Variants in KANK4 observed in about 807,000 individuals in gnomAD.
KANK4 encodes the protein KN motif and ankyrin repeat domain-containing protein 4.
Under a neutral mutation model 80.8 loss-of-function variants are expected in KANK4, and 50 were observed. That is an observed-to-expected ratio of 0.62 (90% confidence interval 0.49 to 0.78). The LOEUF (loss-of-function observed/expected upper bound fraction) is 0.78, where lower values mean the gene tolerates loss of function less well. Ranked by LOEUF, KANK4 falls within the 30% of genes least tolerant of loss-of-function variation. The probability of loss-of-function intolerance (pLI) is 0.00; values close to 1 mark genes in which losing one functional copy is unlikely to be tolerated. For synonymous variants in KANK4, 465 were observed against 506.9 expected, an observed-to-expected ratio of 0.92 and a Z score of 1.11; for missense variants, 1,196 against 1,240.1, an observed-to-expected ratio of 0.96 and a Z score of 0.53.
chr1:62,274,842 G>C lies in KANK4; in HGVS notation c.262C>G (p.Leu88Val), dbSNP rs752915480. The C allele has an allele frequency of 6.2e-7, 1 of 1,614,148 alleles. No homozygotes were observed. The highest frequency in any genetic ancestry group is 1.7e-5 in the Admixed American group (1 of 60,034). Reference protein sequence around the residue: ...SGARPPAAPPLQNWSPVVPRE... With the variant: ...SGARPPAAPPVQNWSPVVPRE... ...GGCACCACGGGAGACCAGTTTTGGAGGGGCGGGGCTGCAGGGGGGCGAGCC... is the reference window on the plus strand; with the variant it reads ...GGCACCACGGGAGACCAGTTTTGGACGGGCGGGGCTGCAGGGGGGCGAGCC... The change falls in exon 3 of 10, where the codon CTC (leucine) becomes GTC (valine). Residue 88 changes from leucine (L) to valine (V), a missense_variant. Around this residue, in one of 3 missense-constraint regions of KANK4, gnomAD observed 1,154 missense variants for 1,179.6 expected, o/e 0.98. Coordinates refer to ENST00000371153, the MANE Select transcript of KANK4 (RefSeq NM_181712.5).
intron 1 of KANK4, among the ~76,000 whole-genome samples, chr1:62,297,220 G>A (rs1028455730): frequency 2.0e-5 from 3 of 152,082 alleles, no homozygotes; most frequent in Admixed American, 6.6e-5. Flanking sequence ...GTGACAGAGT[G>A]AGACTCCGTC....
At position 62,273,426 on chromosome 1, in the gene KANK4, T is replaced by A. The variant is rs773691214; in HGVS notation, c.1678A>T (p.Ile560Phe). The A allele has an allele frequency of 6.2e-7, 1 of 1,613,488 alleles. No individual in the cohort carries two copies. The highest frequency in any genetic ancestry group is 1.7e-4 in the Middle Eastern group (1 of 6,060). Residue 560 changes from isoleucine (I) to phenylalanine (F), a missense_variant, in exon 3 of 10, where the codon ATT becomes TTT. Transcript: ENST00000371153. ...TGGATCTTCTTCACATACTGCCCAA[T>A]AGTGGCATCCGTTGGCGAGCTTGGT... ...RPPSSPTDAT[I>F]GQYVKKIQEL...
intron 1 of KANK4, among the ~76,000 whole-genome samples, chr1:62,287,232 A>G (rs1267728925): frequency 6.6e-6 from 1 of 152,190 alleles, no homozygotes; most frequent in Non-Finnish European, 1.5e-5. Context: ...CGGACCTGAA[A>G]GGAGCGGGGA....
At chr1:62,285,934 T>C (rs533653562) in intron 1 of KANK4, among the ~76,000 whole-genome samples, 1 of 152,182 alleles carries the variant, frequency 6.6e-6, no homozygotes, top group East Asian at 1.9e-4. Flanking sequence ...TTCTAAACAT[T>C]GAGAGGGCCG....
intron 1 of KANK4, among the ~76,000 whole-genome samples, chr1:62,314,258 C>G (rs1182848025): frequency 6.6e-6 from 1 of 152,178 alleles, no homozygotes; most frequent in Non-Finnish European, 1.5e-5. Flanking sequence ...AGGTGATTGG[C>G]CTGCCTCAGC....
intron 9 of KANK4, among the ~76,000 whole-genome samples, chr1:62,243,064 G>A (rs1454918990): frequency 1.3e-5 from 2 of 152,170 alleles, no homozygotes; most frequent in African/African-American, 4.8e-5. Context: ...CCCATTACCT[G>A]CACTACCTGG....
At chr1:62,277,483 T>C (rs1191905339) in intron 2 of KANK4, among the ~76,000 whole-genome samples, 1 of 152,244 alleles carries the variant, frequency 6.6e-6, no homozygotes, top group Non-Finnish European at 1.5e-5. Context: ...CGGGTTGGCC[T>C]GCAACTGCTT....
intron 2 of KANK4, among the ~76,000 whole-genome samples, chr1:62,276,735 C>A (rs907829675): frequency 6.9e-6 from 1 of 144,668 alleles, no homozygotes; most frequent in African/African-American, 2.6e-5. Context: ...CGAGATTGCA[C>A]CATTGTACTC....
chr1:62,311,229 A>T (rs1046275038), intron 1 of KANK4, among the ~76,000 whole-genome samples: 1 of 152,102 alleles, frequency 6.6e-6, no homozygotes, highest in Non-Finnish European at 1.5e-5. Flanking sequence ...TCCTGGCTCC[A>T]CCACTTGATA....
At chr1:62,306,562 A>G (rs1321758107) in intron 1 of KANK4, among the ~76,000 whole-genome samples, 1 of 151,984 alleles carries the variant, frequency 6.6e-6, no homozygotes, top group Non-Finnish European at 1.5e-5. Context: ...TTGCCTTTAT[A>G]TGCTTCTACA....
In KANK4 at chr1:62,263,120, G is replaced by C. The variant is rs760652405; in HGVS notation, c.2511C>G (p.Phe837Leu). ...TCTCCAGCAGCAGCTTCACGATGGAGAAGTTGGAGTGGGACACGCTGTAGT... is the reference window on the plus strand; with the variant it reads ...TCTCCAGCAGCAGCTTCACGATGGACAAGTTGGAGTGGGACACGCTGTAGT... ...ALHYSVSHSN[F>L]SIVKLLLETG... The change falls in exon 7 of 10, where the codon TTC (phenylalanine) becomes TTG (leucine). Residue 837 changes from phenylalanine (F) to leucine (L), a missense_variant. Physicochemically the swap from Phe to Leu is conservative, Grantham distance 22. Around this residue, in one of 3 missense-constraint regions of KANK4, gnomAD observed 1,154 missense variants for 1,179.6 expected, o/e 0.98. Transcript: ENST00000371153. 5.6e-6 allele frequency: 9 copies of C among 1,613,494 alleles called. No individual in the cohort carries two copies. Among genetic ancestry groups the C allele is most frequent in the Non-Finnish European group, 7.6e-6 (9 of 1,179,638 alleles).
intron 9 of KANK4, among the ~76,000 whole-genome samples, chr1:62,244,775 C>T (rs1051853427): frequency 3.3e-5 from 5 of 152,162 alleles, no homozygotes; most frequent in Admixed American, 2.0e-4. Flanking sequence ...AGACTGGTCT[C>T]AAACTCCTGG....
chr1:62,240,485 C>G (rs1374344442), intron 9 of KANK4, among the ~76,000 whole-genome samples: 1 of 152,142 alleles, frequency 6.6e-6, no homozygotes, highest in Non-Finnish European at 1.5e-5. Context: ...GCCTGCCCAA[C>G]ATGGAGAAAC....
intron 1 of KANK4, among the ~76,000 whole-genome samples, chr1:62,294,215 T>C (rs373883673): frequency 6.6e-6 from 1 of 152,162 alleles, no homozygotes; most frequent in African/African-American, 2.4e-5. Context: ...TAGGAGCGAG[T>C]GGACTCAGTG....
At chr1:62,256,027 A>T (rs1391625454) in intron 7 of KANK4, among the ~76,000 whole-genome samples, 3 of 152,212 alleles carry the variant, frequency 2.0e-5, no homozygotes, top group African/African-American at 7.2e-5. Context: ...GACAGCTTTG[A>T]ATGTGGCCCA....
intron 1 of KANK4, among the ~76,000 whole-genome samples, 187 bp from the exon 2 acceptor site, chr1:62,281,821 C>A (rs891753061): frequency 1.2e-4 from 18 of 152,166 alleles, no homozygotes; most frequent in African/African-American, 4.1e-4. Context: ...CTGGGTGTTT[C>A]TTCATGGAAT....
At chr1:62,304,617 G>T (rs896953811) in intron 1 of KANK4, among the ~76,000 whole-genome samples, 5 of 151,964 alleles carry the variant, frequency 3.3e-5, no homozygotes, top group Non-Finnish European at 5.9e-5. Context: ...CTCTTCGCTT[G>T]CTCCCACCAG....
In KANK4 at chr1:62,273,290, C is replaced by T. The variant is rs182456963; in HGVS notation, c.1814G>A (p.Ser605Asn). 2.1e-5 allele frequency: 33 copies of T among 1,590,746 alleles called. No individual in the cohort carries two copies. The highest frequency in any genetic ancestry group is 1.7e-4 in the Middle Eastern group (1 of 5,862). Reference protein sequence around the residue: ...KLSSIQSQLLSSLNLLLSAYS... With the variant: ...KLSSIQSQLLNSLNLLLSAYS... ...GGCCGACAGCAGCAGGTTGAGGGAG[C>T]TCAGCAGCTGGCTCTGGATGCTGCT... Residue 605 changes from serine (S) to asparagine (N), a missense_variant, in exon 3 of 10, where the codon AGC (serine) becomes AAC (asparagine). Ser to Asn is a conservative substitution (Grantham distance 46, BLOSUM62 1). Around this residue, in one of 3 missense-constraint regions of KANK4, gnomAD observed 1,154 missense variants for 1,179.6 expected, o/e 0.98. Coordinates refer to ENST00000371153, the MANE Select transcript of KANK4 (RefSeq NM_181712.5).
At chr1:62,258,907 G>A (rs1193077212) in intron 7 of KANK4, among the ~76,000 whole-genome samples, 17 of 152,278 alleles carry the variant, frequency 1.1e-4, no homozygotes, top group Non-Finnish European at 1.5e-5. Flanking sequence ...AGAGCCTCAG[G>A]GGGAAGAGTC....
Sources: gnomAD v4.1 joint callset for allele counts (sites outside exome capture counted in the v4.1 genomes callset) on GRCh38, gnomAD v4.1.1 for gene constraint, gnomAD v4.1.1 regional missense constraint, MANE v1.5 for transcripts, NCBI Gene and HGNC (gene_info 2026-07-23, HGNC 2026-07-21) for gene names.